Variants in DCBLD1 observed in about 807,000 individuals in gnomAD.
DCBLD1 encodes discoidin, CUB and LCCL domain-containing protein 1.
Under a neutral mutation model 71.5 loss-of-function variants are expected in DCBLD1, and 57 were observed. That is an observed-to-expected ratio of 0.80 (90% CI 0.64 to 0.99). The LOEUF (loss-of-function observed/expected upper bound fraction) is 0.99, where lower values mean the gene tolerates loss of function less well. Among genes scored for constraint, DCBLD1 ranks in the 50% least tolerant of loss-of-function variants. The probability of loss-of-function intolerance (pLI) is 0.00; values close to 1 mark genes in which losing one functional copy is unlikely to be tolerated. For missense variants in DCBLD1, 891 were observed against 923.5 expected (o/e 0.96, Z 0.46); for synonymous variants, 380 against 363.8 (o/e 1.04, Z -0.51).
rs1779380448 is a variant in DCBLD1 at position 117,549,289 on chromosome 6, TTCGTGACTTCC to T, written c.*851_*861del. 3 of 985,432 alleles carry T rather than the reference TTCGTGACTTCC, an allele frequency of 3.0e-6. No homozygotes were observed. In the African/African-American group the frequency reaches 5.2e-5, roughly 17 times the overall value. 61.0% of individuals were successfully genotyped at this position (985,432 alleles called of 1,614,324 possible). On this transcript the variant is annotated 3_prime_UTR_variant, in exon 15 of 15. Transcript: ENST00000338728. ...TGACTTTCTTCAGAAGTAGCACATT[TTCGTGACTTCC>T]GCTGTCCTCTGAAAAACAAAGTTAT...
intron 2 of DCBLD1, among the ~76,000 whole-genome samples, chr6:117,518,391 A>G (rs1778275965): frequency 6.6e-6 from 1 of 152,038 alleles, no homozygotes; most frequent in African/African-American, 2.4e-5. Flanking sequence ...ACTTTCCCAC[A>G]TTTTCCTGTC....
intron 1 of DCBLD1, among the ~76,000 whole-genome samples, chr6:117,486,507 T>C (rs1319168892): frequency 2.0e-5 from 3 of 152,244 alleles, no homozygotes; most frequent in Non-Finnish European, 4.4e-5. Flanking sequence ...CTGACTTCAT[T>C]CCCTGAAATG....
chr6:117,488,891 G>A (rs1777184582), intron 1 of DCBLD1, among the ~76,000 whole-genome samples: 1 of 152,122 alleles, frequency 6.6e-6, no homozygotes, highest in South Asian at 2.1e-4. Context: ...ACTGTGTTAA[G>A]CCATATTGTC....
intron 14 of DCBLD1, chr6:117,561,010 C>G: frequency 4.6e-6 from 1 of 216,412 alleles, no homozygotes; most frequent in Non-Finnish European, 9.3e-6. Flanking sequence ...ACCATACATT[C>G]TAAAATGAAC....
At chr6:117,535,298 A>G (rs1164889644) in intron 6 of DCBLD1, among the ~76,000 whole-genome samples, 2 of 152,220 alleles carry the variant, frequency 1.3e-5, no homozygotes, top group Non-Finnish European at 2.9e-5. Flanking sequence ...ACAGAGGACG[A>G]TGGTGCTAAC....
At chr6:117,512,981 A>T (rs1429217720) in intron 2 of DCBLD1, among the ~76,000 whole-genome samples, 1 of 152,196 alleles carries the variant, frequency 6.6e-6, no homozygotes, top group Non-Finnish European at 1.5e-5. Context: ...TATATAAAAC[A>T]ATAACTTAGT....
chr6:117,510,474 G>A (rs1260702914), intron 2 of DCBLD1, among the ~76,000 whole-genome samples: 1 of 152,122 alleles, frequency 6.6e-6, no homozygotes, highest in Non-Finnish European at 1.5e-5. Context: ...CTGTGCTCAT[G>A]TTCTCTTTCT....
intron 4 of DCBLD1, 85 bp downstream of exon 4, chr6:117,521,661 C>A: frequency 8.6e-7 from 1 of 1,166,632 alleles, no homozygotes; most frequent in Admixed American, 2.7e-5. Context: ...TACGTTTGTA[C>A]TTAAAGCTCT....
At chr6:117,501,332 CATTGTTGTT>C (rs754576634) in intron 1 of DCBLD1, among the ~76,000 whole-genome samples, 2 of 151,568 alleles carry the variant, frequency 1.3e-5, no homozygotes, top group African/African-American at 4.9e-5. Context: ...TTTCAGTTGT[CATTGTTGTT>C]GTTGTTGTTG....
At chr6:117,556,120 T>C (rs982827982) in intron 14 of DCBLD1, among the ~76,000 whole-genome samples, 2 of 152,250 alleles carry the variant, frequency 1.3e-5, no homozygotes, top group African/African-American at 4.8e-5. Flanking sequence ...AATTGCAAAT[T>C]CTACCTTTCC....
downstream of DCBLD1, among the ~76,000 whole-genome samples, chr6:117,553,359 A>G (rs939097336): frequency 1.3e-5 from 2 of 152,132 alleles, no homozygotes; most frequent in Non-Finnish European, 2.9e-5. Context: ...TCCTGTGTCA[A>G]TGGAAAAAGT....
chr6:117,562,298 G>T (rs546467881), intron 14 of DCBLD1: 2 of 204,716 alleles, frequency 9.8e-6, no homozygotes, highest in Non-Finnish European at 2.0e-5. Context: ...TACTTAGAAA[G>T]AAAACTGCCG....
intron 7 of DCBLD1, 122 bp from the exon 8 acceptor site, chr6:117,538,496 CTT>C (rs1778974854): frequency 2.3e-6 from 2 of 877,166 alleles, no homozygotes; most frequent in Non-Finnish European, 3.5e-6. Context: ...TAATTAAACA[CTT>C]TATTCCATAT....
At chr6:117,489,391 T>C (rs536002811) in intron 1 of DCBLD1, among the ~76,000 whole-genome samples, 20 of 152,240 alleles carry the variant, frequency 1.3e-4, no homozygotes, top group African/African-American at 3.1e-4. Context: ...ACCTCCAGCA[T>C]TGGGGATCAT....
At chr6:117,485,140 T>G (rs947314703) in intron 1 of DCBLD1, 1 of 152,238 alleles carries the variant, frequency 6.6e-6, no homozygotes, top group African/African-American at 2.4e-5. Flanking sequence ...ATTCGTAGGT[T>G]TGGATTTAGT....
At chr6:117,551,118 C>G (rs1325516059), downstream of DCBLD1, among the ~76,000 whole-genome samples, 2 of 152,192 alleles carry the variant, frequency 1.3e-5, no homozygotes, top group African/African-American at 4.8e-5. Context: ...GGATAAATTC[C>G]CCTAGGGGCT....
At chr6:117,554,105 T>C (rs752890197), downstream of DCBLD1, among the ~76,000 whole-genome samples, 57 of 152,230 alleles carry the variant, frequency 3.7e-4, no homozygotes, top group Non-Finnish European at 1.5e-4. Context: ...CTGTGACTAA[T>C]TTGTATGCTG....
chr6:117,512,269 A>G (rs533220448), intron 2 of DCBLD1, among the ~76,000 whole-genome samples: 52 of 152,190 alleles, frequency 3.4e-4, no homozygotes, highest in Non-Finnish European at 4.1e-4. Flanking sequence ...ACCTTTGTCT[A>G]AGAATCCGCC....
intron 6 of DCBLD1, among the ~76,000 whole-genome samples, chr6:117,534,487 G>T (rs1431950984): frequency 6.6e-5 from 10 of 152,104 alleles, no homozygotes; most frequent in Admixed American, 1.3e-4. Context: ...ACAGGCTCTA[G>T]CCTGAATTTG....
Sources: allele counts gnomAD v4.1 joint callset (sites outside exome capture counted in the v4.1 genomes callset), GRCh38; gene constraint gnomAD v4.1.1; transcripts MANE v1.5; gene names NCBI Gene and HGNC (gene_info 2026-07-23, HGNC 2026-07-21).